CCDC125: variants seen among roughly 807,000 people sequenced by gnomAD.
CCDC125 encodes coiled-coil domain-containing protein 125.
CCDC125 carries 43 observed loss-of-function variants against 57.4 expected under a neutral mutation model. The ratio of observed to expected loss-of-function variants is 0.75; its 90% CI spans 0.59 to 0.97. CCDC125 has a LOEUF of 0.97. CCDC125 is among the 50% of genes least tolerant of loss of function. CCDC125 has a pLI of 0.00. For synonymous variants in CCDC125, 187 were observed against 195.2 expected (o/e 0.96, Z 0.35); for missense variants, 563 against 595.7 (o/e 0.95, Z 0.57).
intron 4 of CCDC125, chr5:69,308,411 GGGT>G: frequency 4.1e-6 from 1 of 244,484 alleles, no homozygotes. Flanking sequence ...TGAATCATGG[GGGT>G]GGTTTTCCCC....
At chr5:69,298,163 A>C (rs28573355) in intron 8 of CCDC125, among the ~76,000 whole-genome samples, 3 of 151,782 alleles carry the variant, frequency 2.0e-5, no homozygotes, top group East Asian at 2.0e-4. Context: ...TTACAGGCAT[A>C]CGCCACTACG....
chr5:69,311,020 C>T (rs1335139561), intron 4 of CCDC125, 98 bp downstream of exon 4: 39 of 667,220 alleles, frequency 5.8e-5, no homozygotes, highest in Non-Finnish European at 7.2e-5. Context: ...AAACCCTCAA[C>T]TATATTAAGT....
At chr5:69,314,517 A>T (rs925153548) in intron 2 of CCDC125, among the ~76,000 whole-genome samples, 15 of 152,162 alleles carry the variant, frequency 9.9e-5, no homozygotes, top group African/African-American at 3.6e-4. Context: ...AGTGTAAAAC[A>T]TTTCACAAAT....
At chr5:69,303,192 G>T (rs572876622) in intron 7 of CCDC125, among the ~76,000 whole-genome samples, 10 of 151,950 alleles carry the variant, frequency 6.6e-5, no homozygotes, top group African/African-American at 1.9e-4. Context: ...GCTAATTTTG[G>T]TTTTTCTGTT....
Position 69,282,753 on chromosome 5 carries a change from A to C in CCDC125, c.1512T>G (p.Ser504=). 6.3e-7 allele frequency: 1 copy of C among 1,594,024 alleles called. No individual in the cohort carries two copies. Among genetic ancestry groups the C allele is most frequent in the East Asian group, 2.2e-5 (1 of 44,642 alleles). Residue 504 remains serine (S), a synonymous_variant, in exon 12 of 12, where the codon TCT becomes TCG. Transcript: ENST00000396496. ...PNYRTLKRSH[S]LPSSIIF Reference sequence around the variant, plus strand: ...TTTAAAATATGATACTTGATGGCAAAGAATGGGATCTTTTAAGAGTTCTAT... The same window carrying C: ...TTTAAAATATGATACTTGATGGCAACGAATGGGATCTTTTAAGAGTTCTAT...
rs1455309001 is a variant in CCDC125 at position 69,294,795 on chromosome 5, CTT to C, written c.920_921del (p.Gln307ArgfsTer9). ...TTGCTGTTGTGATAACGCAATACCTCTTGTTTGAGCTGAAGAAGCAGTTTCCG... is the reference window on the plus strand; with the variant it reads ...TTGCTGTTGTGATAACGCAATACCTCGTTTGAGCTGAAGAAGCAGTTTCCG... ...STRKLLLQLK[Q>X]ELEILQKSKE... On this transcript the variant is annotated frameshift_variant, in exon 9 of 12. Coordinates refer to ENST00000396496, the MANE Select transcript of CCDC125 (RefSeq NM_176816.5). LOFTEE classifies it high-confidence loss of function. 1.2e-6 allele frequency: 2 copies of C among 1,610,760 alleles called. No individual in the cohort carries two copies. The highest frequency in any genetic ancestry group is 1.7e-6 in the Non-Finnish European group (2 of 1,177,036).
intron 8 of CCDC125, among the ~76,000 whole-genome samples, chr5:69,295,761 A>G (rs970244860): frequency 6.6e-6 from 1 of 152,212 alleles, no homozygotes; most frequent in Non-Finnish European, 1.5e-5. Flanking sequence ...CTCTGTAACT[A>G]TGCACTAAAC....
chr5:69,302,216 G>A (rs1756575733), intron 7 of CCDC125, among the ~76,000 whole-genome samples: 1 of 151,776 alleles, frequency 6.6e-6, no homozygotes, highest in Non-Finnish European at 1.5e-5. Context: ...GAGGTCAGGA[G>A]TTTGAGACCA....
intron 1 of CCDC125, among the ~76,000 whole-genome samples, chr5:69,332,377 T>C (rs1468580939): frequency 3.3e-5 from 5 of 152,220 alleles, no homozygotes; most frequent in African/African-American, 7.2e-5. Flanking sequence ...TCCACTAATG[T>C]CTTTTTCTGT....
intron 1 of CCDC125, among the ~76,000 whole-genome samples, chr5:69,329,804 G>A (rs1283014089): frequency 2.6e-5 from 4 of 151,982 alleles, no homozygotes; most frequent in Admixed American, 2.6e-4. Flanking sequence ...AGCCCAGCTC[G>A]GATGTATTTT....
Position 69,282,522 on chromosome 5 carries a change from C to T in CCDC125, c.*207G>A, listed in dbSNP as rs1752578190. 2 of 497,326 alleles carry T rather than the reference C, an allele frequency of 4.0e-6. No individual in the cohort carries two copies. Among genetic ancestry groups the T allele is most frequent in the Non-Finnish European group, 7.0e-6 (2 of 286,880 alleles). The allele number at this position is 497,326 out of a possible 1,614,324, so 30.8% of individuals were successfully genotyped here. On this transcript the variant is annotated 3_prime_UTR_variant, in exon 12 of 12. Coordinates refer to ENST00000396496, the MANE Select transcript of CCDC125 (RefSeq NM_176816.5). The stretch of plus-strand genomic sequence containing the variant: ...GTTGCAGTGAACCGAGATCACACCA[C>T]TGCACTCCAACCTGGGTGACAGAGC...
In CCDC125 at chr5:69,280,648, A is replaced by G. The variant is rs1294774224; in HGVS notation, c.*2081T>C. On this transcript the variant is annotated 3_prime_UTR_variant, in exon 12 of 12. Coordinates refer to ENST00000396496, the MANE Select transcript of CCDC125 (RefSeq NM_176816.5). ...GCATCTCCTTTGCTGTCTCATTTAA[A>G]TTCTTTTAAACCAAGAAGACAAGAA... 8.5e-5 allele frequency: 13 copies of G among 152,220 alleles called. No individual in the cohort carries two copies. Among genetic ancestry groups the G allele is most frequent in the Admixed American group, 8.5e-4 (13 of 15,276 alleles). The allele number at this position is 152,220 out of a possible 1,614,324, so 9.4% of individuals were successfully genotyped here.
At chr5:69,331,282 G>A (rs1561198222) in intron 1 of CCDC125, among the ~76,000 whole-genome samples, 2 of 151,964 alleles carry the variant, frequency 1.3e-5, no homozygotes, top group African/African-American at 4.8e-5. Flanking sequence ...ACCCACGCTG[G>A]AGTGCAATGG....
At chr5:69,273,123 A>G in the CCDC125 span, 1 of 1,035,886 alleles carries the variant, frequency 9.7e-7, no homozygotes, top group Middle Eastern at 2.4e-4. Flanking sequence ...ATTTCATAAA[A>G]TTAACATTTT....
intron 11 of CCDC125, among the ~76,000 whole-genome samples, chr5:69,283,669 T>C (rs1202693297): frequency 6.6e-6 from 1 of 151,782 alleles, no homozygotes; most frequent in Non-Finnish European, 1.5e-5. Context: ...ACTATAGGCG[T>C]GCACCACCAC....
rs966687889 is a variant in CCDC125, at chr5:69,304,729, C to T, written c.618-800G>A. Among the ~76,000 whole-genome samples, 3 of 152,216 alleles carry T rather than the reference C, an allele frequency of 2.0e-5. No individual in the cohort carries two copies. In the South Asian group the frequency reaches 6.2e-4, roughly 32 times the overall value. On this transcript the variant is annotated intron_variant, in intron 6 of 11. Coordinates refer to ENST00000396496, the MANE Select transcript of CCDC125 (RefSeq NM_176816.5). ...CGTGAGCCACTGCGCCTGGACTAAA[C>T]ATACTCTTAACCCTTCTTAGCTGAG...
chr5:69,277,244 C>T (rs1225819225), downstream of CCDC125: 9 of 661,534 alleles, frequency 1.4e-5, no homozygotes, highest in Non-Finnish European at 2.3e-5. Flanking sequence ...TGTAAATATT[C>T]TACACATGTA....
intron 10 of CCDC125, among the ~76,000 whole-genome samples, chr5:69,286,188 C>CTA (rs59035946): frequency 0.065 from 3,303 of 51,042 alleles, 112 homozygotes; most frequent in Non-Finnish European, 0.081. Context: ...AAATGGTAAA[C>CTA]TATATATATA....
chr5:69,299,154 G>A (rs1182811373), intron 8 of CCDC125, among the ~76,000 whole-genome samples: 1 of 149,754 alleles, frequency 6.7e-6, no homozygotes, highest in African/African-American at 2.5e-5. Flanking sequence ...CTTTCGCCCA[G>A]GCCAGACTGC....
Sources: gnomAD v4.1 joint callset for allele counts (sites outside exome capture counted in the v4.1 genomes callset) on GRCh38, gnomAD v4.1.1 for gene constraint, MANE v1.5 for transcripts, NCBI Gene and HGNC (gene_info 2026-07-23, HGNC 2026-07-21) for gene names.